Variants in NOX4 observed in about 807,000 individuals in gnomAD.
NOX4 encodes the protein NADPH oxidase 4.
A neutral mutation model predicts 87.6 loss-of-function variants in NOX4; 69 were observed. The observed-to-expected ratio is 0.79, with a 90% CI of 0.65 to 0.96. NOX4 has a LOEUF of 0.96. Among genes scored for constraint, NOX4 ranks in the 40% least tolerant of loss-of-function variants. The pLI, the probability that NOX4 is intolerant of heterozygous loss-of-function variation, is 0.00. For synonymous variants in NOX4, 275 were observed against 238.2 expected, an observed-to-expected ratio of 1.15 and a Z score of -1.42; for missense variants, 680 against 681.5, an observed-to-expected ratio of 1.00 and a Z score of 0.02.
intron 8 of NOX4, among the ~76,000 whole-genome samples, chr11:89,409,576 C>T (rs573153740): frequency 6.6e-4 from 101 of 152,022 alleles, no homozygotes; most frequent in South Asian, 2.9e-3. Context: ...TGCCAACTGG[C>T]TTACAGCATA....
chr11:89,513,517 T>C, the NOX4 span, among the ~76,000 whole-genome samples: 1 of 152,046 alleles, frequency 6.6e-6, no homozygotes, highest in Non-Finnish European at 1.5e-5. Flanking sequence ...AATATAATTT[T>C]TCAAACATAA....
intron 13 of NOX4, among the ~76,000 whole-genome samples, chr11:89,349,626 A>G (rs192562859): frequency 6.0e-4 from 92 of 152,356 alleles, no homozygotes; most frequent in Non-Finnish European, 9.4e-4. Flanking sequence ...AAGTCAAAAA[A>G]GAACAGCTCT....
At chr11:89,485,736 CTTATT>C (rs1459847811) in intron 2 of NOX4, among the ~76,000 whole-genome samples, 1 of 152,036 alleles carries the variant, frequency 6.6e-6, no homozygotes, top group Non-Finnish European at 1.5e-5. Context: ...AATGAAGTGA[CTTATT>C]TAAAAGGTTG....
chr11:89,560,511 T>C, the NOX4 span, among the ~76,000 whole-genome samples: 3 of 152,086 alleles, frequency 2.0e-5, no homozygotes, highest in Non-Finnish European at 4.4e-5. Context: ...AGAGAACTGA[T>C]AAAGCATTAT....
intron 2 of NOX4, among the ~76,000 whole-genome samples, chr11:89,454,434 T>G (rs1945098065): frequency 6.6e-6 from 1 of 152,086 alleles, no homozygotes; most frequent in Admixed American, 6.5e-5. Flanking sequence ...ATTCAATGAC[T>G]TTGGGTAGTG....
At chr11:89,563,136 C>T in the NOX4 span, among the ~76,000 whole-genome samples, 1 of 152,252 alleles carries the variant, frequency 6.6e-6, no homozygotes, top group African/African-American at 2.4e-5. Flanking sequence ...TTATAAATTA[C>T]CAAGTCTCAG....
the NOX4 span, among the ~76,000 whole-genome samples, chr11:89,543,930 AT>A: frequency 0.53 from 80,126 of 151,810 alleles, 22,233 homozygotes; most frequent in African/African-American, 0.7. Context: ...GCTTATAAGT[AT>A]ATTGCTGGGG....
chr11:89,442,037 T>C (rs1405008173), intron 5 of NOX4, among the ~76,000 whole-genome samples: 1 of 148,474 alleles, frequency 6.7e-6, no homozygotes, highest in Non-Finnish European at 1.5e-5. Flanking sequence ...CATATATTTA[T>C]TTACATAATA....
chr11:89,377,524 T>C (rs567548492), intron 11 of NOX4, among the ~76,000 whole-genome samples: 26 of 152,270 alleles, frequency 1.7e-4, no homozygotes, highest in African/African-American at 6.0e-4. Context: ...GGGTTTTTAA[T>C]GTGCACAAAT....
intron 11 of NOX4, among the ~76,000 whole-genome samples, chr11:89,383,105 C>T (rs1940416762): frequency 6.6e-6 from 1 of 152,184 alleles, no homozygotes; most frequent in Admixed American, 6.5e-5. Context: ...TCAACCTCGC[C>T]TTCAAGATGT....
the NOX4 span, among the ~76,000 whole-genome samples, chr11:89,515,228 C>G: frequency 3.0e-4 from 46 of 152,068 alleles, no homozygotes; most frequent in Non-Finnish European, 1.8e-4. Flanking sequence ...AAATCTTCAC[C>G]AGAAGTGTAT....
intron 2 of NOX4, among the ~76,000 whole-genome samples, chr11:89,475,493 T>C (rs117420001): frequency 0.023 from 3,466 of 152,158 alleles, 69 homozygotes; most frequent in Non-Finnish European, 0.038. Context: ...GGAAAATGCA[T>C]GATAAACTTC....
At chr11:89,335,719 A>C in intron 17 of NOX4, 126 bp downstream of exon 17, 1 of 514,204 alleles carries the variant, frequency 1.9e-6, no homozygotes, top group Non-Finnish European at 3.5e-6. Flanking sequence ...ATAGTGAAAG[A>C]GTGTTTCAGT....
intron 11 of NOX4, among the ~76,000 whole-genome samples, chr11:89,381,694 G>GA (rs1479066117): frequency 4.3e-5 from 2 of 46,818 alleles, no homozygotes; most frequent in East Asian, 2.4e-3. Flanking sequence ...GATTTGGATC[G>GA]GGGGGACCTC....
chr11:89,477,608 C>A (rs1043603699), intron 2 of NOX4, among the ~76,000 whole-genome samples: 2 of 151,902 alleles, frequency 1.3e-5, no homozygotes, highest in African/African-American at 4.8e-5. Flanking sequence ...TGGCACAGAC[C>A]CATGAGGATA....
chr11:89,496,230 G>A (rs995394621), upstream of NOX4, among the ~76,000 whole-genome samples: 4 of 152,182 alleles, frequency 2.6e-5, no homozygotes, highest in African/African-American at 9.7e-5. Flanking sequence ...GCACCCACAT[G>A]GCTGGGTTAG....
intron 11 of NOX4, among the ~76,000 whole-genome samples, chr11:89,393,282 G>A (rs542581482): frequency 4.5e-4 from 69 of 152,208 alleles, no homozygotes; most frequent in African/African-American, 1.5e-3. Flanking sequence ...ATACTGCCAT[G>A]ATTGAAAAAT....
intron 2 of NOX4, among the ~76,000 whole-genome samples, chr11:89,480,412 C>A (rs546360626): frequency 1.6e-4 from 24 of 152,150 alleles, no homozygotes; most frequent in Non-Finnish European, 2.2e-4. Flanking sequence ...AAACTTAATT[C>A]TTCAAACTAC....
At chr11:89,434,596 T>A (rs192018409) in intron 6 of NOX4, among the ~76,000 whole-genome samples, 1 of 152,128 alleles carries the variant, frequency 6.6e-6, no homozygotes, top group Admixed American at 6.6e-5. Flanking sequence ...ACCCAGCCAT[T>A]GCACTTCCAA....
Sources: allele counts gnomAD v4.1 joint callset (sites outside exome capture counted in the v4.1 genomes callset), GRCh38; gene constraint gnomAD v4.1.1; transcripts MANE v1.5; gene names NCBI Gene and HGNC (gene_info 2026-07-23, HGNC 2026-07-21).